Variants in ZSWIM6 observed in about 807,000 individuals in gnomAD.
The protein encoded by ZSWIM6 is zinc finger SWIM-type containing 6, also known as zinc finger SWIM domain-containing protein 6.
ZSWIM6 carries 9 observed loss-of-function variants against 113.2 expected under a neutral mutation model. The ratio of observed to expected loss-of-function variants is 0.08; its 90% CI spans 0.05 to 0.14. ZSWIM6 has a LOEUF of 0.14. ZSWIM6 is among the 10% of genes least tolerant of loss of function. The probability of loss-of-function intolerance (pLI) is 1.00; values close to 1 mark genes in which losing one functional copy is unlikely to be tolerated. For synonymous variants in ZSWIM6, 611 were observed against 606.5 expected, an observed-to-expected ratio of 1.01 and a Z score of -0.11; for missense variants, 1,162 against 1,552.2, an observed-to-expected ratio of 0.75 and a Z score of 4.22.
intron 1 of ZSWIM6, among the ~76,000 whole-genome samples, chr5:61,374,449 A>G (rs922053942): frequency 5.3e-5 from 8 of 152,230 alleles, no homozygotes; most frequent in Admixed American, 3.3e-4. Flanking sequence ...GAAGACCATC[A>G]TCTTGTGATT....
At chr5:61,345,199 A>G (rs1744630959) in intron 1 of ZSWIM6, among the ~76,000 whole-genome samples, 1 of 152,188 alleles carries the variant, frequency 6.6e-6, no homozygotes, top group Admixed American at 6.5e-5. Context: ...AAAGAAACAC[A>G]TACTGTTTTT....
At chr5:61,387,361 ATG>A (rs1430474354) in intron 1 of ZSWIM6, among the ~76,000 whole-genome samples, 2 of 152,246 alleles carry the variant, frequency 1.3e-5, no homozygotes, top group Admixed American at 1.3e-4. Flanking sequence ...GATATTTCAA[ATG>A]TAAGAAATTG....
chr5:61,542,947 C>T (rs1176451681), intron 13 of ZSWIM6, among the ~76,000 whole-genome samples: 1 of 152,210 alleles, frequency 6.6e-6, no homozygotes, highest in African/African-American at 2.4e-5. Flanking sequence ...CCATTTCCAA[C>T]GTTTGATTCA....
At chr5:61,462,105 G>A (rs1001562019) in intron 1 of ZSWIM6, among the ~76,000 whole-genome samples, 1 of 152,202 alleles carries the variant, frequency 6.6e-6, no homozygotes, top group East Asian at 1.9e-4. Context: ...TTTGAGGAGA[G>A]CTGGAGCTCT....
chr5:61,510,201 A>G (rs1033153735), intron 4 of ZSWIM6, among the ~76,000 whole-genome samples: 8 of 151,718 alleles, frequency 5.3e-5, no homozygotes, highest in African/African-American at 1.9e-4. Context: ...ACATAAAACA[A>G]TAAGTGTGTG....
intron 1 of ZSWIM6, among the ~76,000 whole-genome samples, chr5:61,394,100 A>G (rs1048469577): frequency 7.2e-5 from 11 of 152,188 alleles, no homozygotes; most frequent in East Asian, 1.9e-4. Flanking sequence ...AATTATTTCT[A>G]TTACAGAGCA....
chr5:61,431,364 T>C (rs1166635235), intron 1 of ZSWIM6, among the ~76,000 whole-genome samples: 1 of 89,676 alleles, frequency 1.1e-5, no homozygotes, highest in African/African-American at 4.5e-5. Context: ...AGAGCAAGAC[T>C]CCATCTCCAA....
chr5:61,403,220 A>T (rs1745974879), intron 1 of ZSWIM6, among the ~76,000 whole-genome samples: 2 of 152,202 alleles, frequency 1.3e-5, no homozygotes, highest in South Asian at 4.1e-4. Flanking sequence ...CATCAGCAGG[A>T]TTTATTTTAA....
At chr5:61,479,021 A>G (rs1747785615) in intron 2 of ZSWIM6, among the ~76,000 whole-genome samples, 1 of 152,058 alleles carries the variant, frequency 6.6e-6, no homozygotes, top group Admixed American at 6.6e-5. Context: ...AAATACAAAA[A>G]TTAGTCGGGC....
chr5:61,529,180 C>G (rs777089931), intron 7 of ZSWIM6, among the ~76,000 whole-genome samples: 2 of 152,028 alleles, frequency 1.3e-5, no homozygotes, highest in Non-Finnish European at 2.9e-5. Context: ...GCACTCCAGG[C>G]CGGGCAACAA....
At chr5:61,416,584 A>G (rs1233946102) in intron 1 of ZSWIM6, among the ~76,000 whole-genome samples, 1 of 152,216 alleles carries the variant, frequency 6.6e-6, no homozygotes, top group Non-Finnish European at 1.5e-5. Context: ...CCTCATGCCA[A>G]TGAGATGAAT....
At chr5:61,443,248 C>T (rs1456996799) in intron 1 of ZSWIM6, among the ~76,000 whole-genome samples, 2 of 152,192 alleles carry the variant, frequency 1.3e-5, no homozygotes, top group African/African-American at 4.8e-5. Flanking sequence ...GCCATAAATA[C>T]ACAGTTGATA....
At chr5:61,533,826 A>G (rs551959611) in intron 9 of ZSWIM6, among the ~76,000 whole-genome samples, 3 of 152,156 alleles carry the variant, frequency 2.0e-5, no homozygotes, top group African/African-American at 7.2e-5. Flanking sequence ...AACAACAGAA[A>G]TGTATTTCTC....
intron 1 of ZSWIM6, among the ~76,000 whole-genome samples, chr5:61,408,273 G>A (rs1274614718): frequency 6.6e-6 from 1 of 152,160 alleles, no homozygotes; most frequent in Non-Finnish European, 1.5e-5. Flanking sequence ...ATTTATCATG[G>A]GATGAGAACA....
At chr5:61,354,961 A>G (rs2112044208) in intron 1 of ZSWIM6, among the ~76,000 whole-genome samples, 1 of 152,260 alleles carries the variant, frequency 6.6e-6, no homozygotes, top group African/African-American at 2.4e-5. Flanking sequence ...TTAGATTTTT[A>G]ATTTTATAAT....
At chr5:61,360,651 C>T (rs1745015670) in intron 1 of ZSWIM6, among the ~76,000 whole-genome samples, 1 of 152,188 alleles carries the variant, frequency 6.6e-6, no homozygotes, top group African/African-American at 2.4e-5. Context: ...TTTTACTTAT[C>T]TAGCACTTAT....
At chr5:61,401,159 C>T (rs1179655344) in intron 1 of ZSWIM6, among the ~76,000 whole-genome samples, 2 of 152,102 alleles carry the variant, frequency 1.3e-5, no homozygotes, top group African/African-American at 4.8e-5. Context: ...CAAGCCCTCA[C>T]CCATCTTTTC....
intron 2 of ZSWIM6, among the ~76,000 whole-genome samples, chr5:61,476,522 G>T (rs1184606415): frequency 6.6e-6 from 1 of 151,898 alleles, no homozygotes; most frequent in Non-Finnish European, 1.5e-5. Context: ...ACCACTACAT[G>T]CTAAAAGAGG....
chr5:61,443,480 A>G (rs184229144), intron 1 of ZSWIM6, among the ~76,000 whole-genome samples: 85 of 152,294 alleles, frequency 5.6e-4, no homozygotes, highest in African/African-American at 2.0e-3. Context: ...AGCCTAGTAC[A>G]GTTCTCTTGA....
Sources: gnomAD v4.1 joint callset for allele counts (sites outside exome capture counted in the v4.1 genomes callset) on GRCh38, gnomAD v4.1.1 for gene constraint, MANE v1.5 for transcripts, NCBI Gene and HGNC (gene_info 2026-07-23, HGNC 2026-07-21) for gene names.